The following AGBL1 variants were observed in gnomAD, a reference collection of about 807,000 sequenced individuals.
AGBL1 encodes AGBL carboxypeptidase 1.
AGBL1 carries 130 observed loss-of-function variants against 118.9 expected under a neutral mutation model. The ratio of observed to expected loss-of-function variants is 1.09; its 90% CI spans 0.95 to 1.26. The LOEUF (loss-of-function observed/expected upper bound fraction) is 1.26. Among genes scored for constraint, AGBL1 ranks in the 50% most tolerant of loss-of-function variants. AGBL1 has a pLI of 0.00. For synonymous variants in AGBL1, 555 were observed against 478.9 expected (o/e 1.16, Z -2.08); for missense variants, 1,584 against 1,298.1 (o/e 1.22, Z -3.38).
In AGBL1 at chr15:86,148,813, G is replaced by T. The variant is rs147012414; in HGVS notation, c.262+4968G>T. 4.3e-3 allele frequency among the ~76,000 whole-genome samples: 660 copies of T among 152,206 alleles called. 3 individuals carry two copies. The highest frequency in any genetic ancestry group is 0.015 in the African/African-American group (638 of 41,526). ...TACTCCTCGAGAAGAGCAACCCCAA[G>T]ACACATAATTGTCAGATTCACCAAG... On this transcript the variant is annotated intron_variant, in intron 3 of 22. Transcript: ENST00000614907.
intron 23 of AGBL1, among the ~76,000 whole-genome samples, chr15:86,932,689 AC>A (rs2080619723): frequency 6.6e-6 from 1 of 152,204 alleles, no homozygotes; most frequent in South Asian, 2.1e-4. Context: ...AATGACATCA[AC>A]TATGGCTGAC....
At position 86,620,894 on chromosome 15, in the gene AGBL1, C is replaced by T. The variant is rs1015544050; in HGVS notation, c.2995-53379C>T. Among the ~76,000 whole-genome samples the T allele has an allele frequency of 4.0e-5, 6 of 151,618 alleles. No individual in the cohort carries two copies. The South Asian group carries it at 6.3e-4, about 16-fold the overall frequency. ...CTCTCTTCACGGCTCTTTTTCAAGT[C>T]GCCTGCGTGCTTTGAATATTTCTCT... On this transcript the variant is annotated intron_variant, in intron 21 of 22. Coordinates refer to ENST00000614907, the MANE Select transcript of AGBL1 (RefSeq NM_001386094.1).
chr15:86,546,575 C>G (rs2346724), intron 20 of AGBL1, among the ~76,000 whole-genome samples: 66,051 of 151,930 alleles, frequency 0.43, 15,469 homozygotes, highest in East Asian at 0.75. Context: ...ATACTGAATA[C>G]AAAAGGACTT....
At chr15:86,696,678 T>G (rs1052048998) in intron 22 of AGBL1, among the ~76,000 whole-genome samples, 1 of 151,964 alleles carries the variant, frequency 6.6e-6, no homozygotes, top group Non-Finnish European at 1.5e-5. Context: ...AATTGTATTT[T>G]TGTTTTATAG....
At chr15:86,356,195 A>G (rs553436076) in intron 17 of AGBL1, among the ~76,000 whole-genome samples, 1 of 152,312 alleles carries the variant, frequency 6.6e-6, no homozygotes, top group Non-Finnish European at 1.5e-5. Context: ...AATGGAAGTG[A>G]GAAATAGAGA....
Position 86,909,496 on chromosome 15 carries a change from T to C in AGBL1, c.*2202T>C, listed in dbSNP as rs1416074928. 1 of 152,218 alleles carries C rather than the reference T, an allele frequency of 6.6e-6. No individual in the cohort carries two copies. The highest frequency in any genetic ancestry group is 2.4e-5 in the African/African-American group (1 of 41,460). 9.4% of individuals were successfully genotyped at this position (152,218 alleles called of 1,614,324 possible). On this transcript the variant is annotated 3_prime_UTR_variant, in exon 23 of 23. Transcript: ENST00000614907. ...GGAGTTGATAACATTATTAATAGTC[T>C]CTTATTTTTTTAACTCTTTTCCAAG...
intron 5 of AGBL1, among the ~76,000 whole-genome samples, chr15:86,186,963 C>T (rs995807305): frequency 5.9e-5 from 9 of 152,184 alleles, no homozygotes; most frequent in African/African-American, 2.2e-4. Flanking sequence ...TCAAGTCATC[C>T]AGCCCCAGGC....
At chr15:86,200,249 TA>T (rs1218594944) in intron 5 of AGBL1, among the ~76,000 whole-genome samples, 1 of 152,062 alleles carries the variant, frequency 6.6e-6, no homozygotes, top group South Asian at 2.1e-4. Flanking sequence ...CACATATACA[TA>T]AAAAAAGAAA....
intron 22 of AGBL1, among the ~76,000 whole-genome samples, chr15:86,706,010 A>G (rs971181676): frequency 5.4e-4 from 82 of 152,260 alleles, no homozygotes; most frequent in Admixed American, 5.4e-3. Flanking sequence ...TTAAGTACCA[A>G]ATGCAATAAT....
chr15:86,629,837 A>G (rs2084938238), intron 21 of AGBL1, among the ~76,000 whole-genome samples: 1 of 152,238 alleles, frequency 6.6e-6, no homozygotes, highest in Non-Finnish European at 1.5e-5. Context: ...TTCATTGCTA[A>G]AAGGAAAAAA....
At chr15:86,219,147 C>G (rs920642058) in intron 5 of AGBL1, among the ~76,000 whole-genome samples, 4 of 152,150 alleles carry the variant, frequency 2.6e-5, no homozygotes, top group African/African-American at 9.7e-5. Flanking sequence ...CATTTTTTCT[C>G]CAGTGACCTC....
At chr15:86,686,478 C>A (rs2086059604) in intron 22 of AGBL1, among the ~76,000 whole-genome samples, 1 of 147,436 alleles carries the variant, frequency 6.8e-6, no homozygotes. Flanking sequence ...AAGTCTTGCC[C>A]TGTCACTGGA....
chr15:86,492,832 A>G lies in AGBL1; in HGVS notation c.2556-29978A>G, dbSNP rs144481170. ...TTGAAGTAGTATGGTAAAAGTGGAG[A>G]TGCGGTAGGACTAACATTCAGGAGG... On this transcript the variant is annotated intron_variant, in intron 18 of 22. Coordinates refer to ENST00000614907, the MANE Select transcript of AGBL1 (RefSeq NM_001386094.1). Among the ~76,000 whole-genome samples, 18 of 152,210 alleles carry G rather than the reference A, an allele frequency of 1.2e-4. No individual in the cohort carries two copies. In the East Asian group the frequency reaches 3.5e-3, roughly 30 times the overall value.
chr15:86,080,213 A>G, intron 1 of AGBL1, 190 bp downstream of exon 1: 3 of 400,350 alleles, frequency 7.5e-6, no homozygotes, highest in Non-Finnish European at 8.7e-6. Context: ...ATTAAACACG[A>G]CGATGTTGAT....
In AGBL1 at chr15:86,765,330, C is replaced by T. The variant is rs148478607; in HGVS notation, c.3158+90894C>T. The stretch of plus-strand genomic sequence containing the variant: ...CAGTCACTGGAGACACAGAGCTATG[C>T]TAGACCCAGATATGTTTGTTAAGGC... On this transcript the variant is annotated intron_variant, in intron 22 of 22. Coordinates refer to ENST00000614907, the MANE Select transcript of AGBL1 (RefSeq NM_001386094.1). Among the ~76,000 whole-genome samples the T allele has an allele frequency of 3.1e-4, 47 of 152,028 alleles. No homozygotes were observed. In the East Asian group the frequency reaches 6.6e-3, roughly 21 times the overall value.
At chr15:86,656,665 T>C (rs935324184) in intron 21 of AGBL1, among the ~76,000 whole-genome samples, 6 of 152,156 alleles carry the variant, frequency 3.9e-5, no homozygotes, top group Non-Finnish European at 7.4e-5. Flanking sequence ...TCCCTTCTTT[T>C]TCCCTTATTT....
chr15:87,010,941 G>A (rs2081553180), intron 24 of AGBL1, among the ~76,000 whole-genome samples: 2 of 152,164 alleles, frequency 1.3e-5, no homozygotes, highest in South Asian at 2.1e-4. Flanking sequence ...ATCTAAAGAT[G>A]AAAAGATCAA....
At chr15:86,768,346 A>G (rs2078125762) in intron 22 of AGBL1, among the ~76,000 whole-genome samples, 1 of 152,006 alleles carries the variant, frequency 6.6e-6, no homozygotes, top group African/African-American at 2.4e-5. Context: ...ACATACTCAT[A>G]ACAACACAAC....
intron 1 of AGBL1, among the ~76,000 whole-genome samples, chr15:86,112,792 G>A (rs1244041219): frequency 1.3e-5 from 2 of 152,194 alleles, no homozygotes; most frequent in Non-Finnish European, 2.9e-5. Flanking sequence ...TCCCATTTGA[G>A]AGGAGAAAGA....
Sources: allele counts gnomAD v4.1 joint callset (sites outside exome capture counted in the v4.1 genomes callset), GRCh38; gene constraint gnomAD v4.1.1; transcripts MANE v1.5; gene names NCBI Gene and HGNC (gene_info 2026-07-23, HGNC 2026-07-21).